Variants in TMEM236 observed in about 807,000 individuals in gnomAD.
The protein encoded by TMEM236 is family with sequence similarity 23, member A.
In TMEM236, 11 loss-of-function variants were observed where a neutral mutation model predicts 14.7. The observed-to-expected ratio is 0.75, with a 90% CI of 0.47 to 1.24. TMEM236 has a LOEUF of 1.24. TMEM236 is among the 50% of genes most tolerant of loss of function. The pLI, the probability that TMEM236 is intolerant of heterozygous loss-of-function variation, is 0.00. For missense variants in TMEM236, 464 were observed against 427.3 expected (o/e 1.09, Z -0.76); for synonymous variants, 182 against 168.6 (o/e 1.08, Z -0.62).
In TMEM236 at chr10:17,761,707, A is replaced by C. The variant is rs535340394; in HGVS notation, c.257+9155A>C. Among the ~76,000 whole-genome samples, 5 of 151,750 alleles carry C rather than the reference A, an allele frequency of 3.3e-5. No individual in the cohort carries two copies. In the South Asian group the frequency reaches 1.0e-3, roughly 32 times the overall value. On this transcript the variant is annotated intron_variant, in intron 1 of 3. Transcript: ENST00000377495. ...AGACTATGTCTCAAAAAAAAAAAAA[A>C]AAAAGAAAAGGAAGTTTTCTGTATC...
chr10:17,783,389 A>G (rs928378556), intron 3 of TMEM236, among the ~76,000 whole-genome samples: 11 of 152,264 alleles, frequency 7.2e-5, no homozygotes, highest in South Asian at 6.2e-4. Flanking sequence ...TCAACAGGCT[A>G]TTTGAGTGGA....
intron 1 of TMEM236, among the ~76,000 whole-genome samples, chr10:17,768,091 T>TTA (rs1225311452): frequency 1.1e-4 from 14 of 126,596 alleles, no homozygotes; most frequent in African/African-American, 4.1e-4. Context: ...TTGTGGTTTT[T>TTA]TTTTTTTTTT....
intron 1 of TMEM236, among the ~76,000 whole-genome samples, chr10:17,768,679 A>T (rs1278947488): frequency 6.6e-6 from 1 of 152,036 alleles, no homozygotes; most frequent in Non-Finnish European, 1.5e-5. Context: ...AACAATAAAC[A>T]AAGAATCAGC....
rs1838003740 is a variant in TMEM236, at chr10:17,795,893, A to G, written c.473-28A>G. On this transcript the variant is annotated intron_variant, in intron 3 of 3. Transcript: ENST00000377495. ...CTAAAATGGATACATTTTAAAAACT[A>G]AAATGTAAATAAATCTGTTAATTGC... 13 of 1,608,646 alleles carry G rather than the reference A, an allele frequency of 8.1e-6. No homozygotes were observed. In the South Asian group the frequency reaches 8.8e-5, roughly 11 times the overall value.
At chr10:17,762,035 T>C (rs1837373360) in intron 1 of TMEM236, among the ~76,000 whole-genome samples, 1 of 152,192 alleles carries the variant, frequency 6.6e-6, no homozygotes, top group Non-Finnish European at 1.5e-5. Flanking sequence ...GTCACATTAC[T>C]GCCTAATTCC....
intron 1 of TMEM236, among the ~76,000 whole-genome samples, chr10:17,768,108 T>TTTTTTTTTTTTTTTTTG (rs1837503857): frequency 6.9e-6 from 1 of 145,690 alleles, no homozygotes; most frequent in African/African-American, 2.6e-5. Context: ...TTTTTTTTTT[T>TTTTTTTTTTTTTTTTTG]GTAGAGACGA....
chr10:17,796,337 C>G lies in TMEM236; in HGVS notation c.889C>G (p.Gln297Glu). 1 of 1,613,966 alleles carries G rather than the reference C, an allele frequency of 6.2e-7. No homozygotes were observed. Among genetic ancestry groups the G allele is most frequent in the South Asian group, 1.1e-5 (1 of 91,082 alleles). Residue 297 changes from glutamine to glutamate, a missense_variant, in exon 4 of 4, where the codon CAA (glutamine) becomes GAA (glutamate). Physicochemically the swap from Gln to Glu is conservative, Grantham distance 29. Transcript: ENST00000377495. ...TCTCAATTCCCTGAGCGTCCTGCTGCAAGATTTACCATTCGTTTTTGTTAG... is the reference window on the plus strand; with the variant it reads ...TCTCAATTCCCTGAGCGTCCTGCTGGAAGATTTACCATTCGTTTTTGTTAG... ...PLLNSLSVLL[Q>E]DLPFVFVRLG...
rs1023911368 is a variant in TMEM236 at position 17,796,192 on chromosome 10, G to A, written c.744G>A (p.Thr248=). 445 of 1,613,936 alleles carry A rather than the reference G, an allele frequency of 2.8e-4. 1 individual carries two copies. The African/African-American group carries it at 5.0e-3, about 18-fold the overall frequency. ...GGAGCTTTCTCCTGTGGTCTGACAC[G>A]ATAGAAATGGTGCGTGTGGCTGGTC... The part of the protein sequence containing the change: ...FLWSFLLWSD[T]IEMVRVAGHP... The change falls in exon 4 of 4, where the codon ACG becomes ACA. Residue 248 remains threonine (T), a synonymous_variant. Transcript: ENST00000377495.
At chr10:17,792,454 A>G (rs1433961527) in intron 3 of TMEM236, among the ~76,000 whole-genome samples, 2 of 152,216 alleles carry the variant, frequency 1.3e-5, no homozygotes, top group African/African-American at 2.4e-5. Flanking sequence ...ACTCTAGAAA[A>G]TGCCTCACTA....
chr10:17,757,776 TTG>T (rs1212499588), intron 1 of TMEM236, among the ~76,000 whole-genome samples: 2 of 152,030 alleles, frequency 1.3e-5, no homozygotes, highest in Non-Finnish European at 2.9e-5. Context: ...TTGTTTTGTT[TTG>T]TGTTTTTTGA....
At chr10:17,774,124 A>C (rs1837620381) in intron 2 of TMEM236, among the ~76,000 whole-genome samples, 1 of 152,072 alleles carries the variant, frequency 6.6e-6, no homozygotes, top group South Asian at 2.1e-4. Context: ...TATTCACTGC[A>C]ACCTCCACCT....
intron 1 of TMEM236, among the ~76,000 whole-genome samples, chr10:17,764,805 T>C (rs1231545533): frequency 9.3e-5 from 14 of 150,974 alleles, no homozygotes; most frequent in Non-Finnish European, 2.1e-4. Flanking sequence ...CGCTTAGTCT[T>C]CCCCACCTGC....
intron 3 of TMEM236, among the ~76,000 whole-genome samples, chr10:17,778,362 A>C (rs1837692343): frequency 6.6e-6 from 1 of 152,230 alleles, no homozygotes; most frequent in Non-Finnish European, 1.5e-5. Flanking sequence ...ATTGTCTCCT[A>C]CACTCATTTT....
chr10:17,798,316 A>C lies in TMEM236; in HGVS notation c.*1812A>C. The C allele has an allele frequency of 3.1e-6, 1 of 317,830 alleles. No homozygotes were observed. Among genetic ancestry groups the C allele is most frequent in the Non-Finnish European group, 6.1e-6 (1 of 163,810 alleles). The allele number at this position is 317,830 out of a possible 1,614,324, so 19.7% of individuals were successfully genotyped here. A position where few individuals can be genotyped will look rare whatever the true frequency, so the allele number is the denominator to read the frequency against. ...CACTTTGGGAGGTTGAGGCAGGTAG[A>C]TCACTGGAGTCCAGGAGTCTGAGAC... On this transcript the variant is annotated 3_prime_UTR_variant, in exon 4 of 4. Coordinates refer to ENST00000377495, the MANE Select transcript of TMEM236 (RefSeq NM_001098844.3).
At position 17,752,349 on chromosome 10, in the gene TMEM236, C is replaced by T. The variant is rs1564590514; in HGVS notation, c.54C>T (p.Ala18=). 6.2e-6 allele frequency: 10 copies of T among 1,613,776 alleles called. No individual in the cohort carries two copies. Among genetic ancestry groups the T allele is most frequent in the East Asian group, 4.5e-5 (2 of 44,836 alleles). ...TGGTTTTTGAGCTCCTAGAGTTTGC[C>T]GCTTTCTCCATCCCCACACTCGTGA... ...KFVVFELLEF[A]AFSIPTLVIT... is the part of the protein sequence containing the mutation. Residue 18 remains alanine, a synonymous_variant, in exon 1 of 4, where the codon GCC becomes GCT. Transcript: ENST00000377495.
Position 17,796,501 on chromosome 10 carries a change from T to G in TMEM236, c.1053T>G (p.Phe351Leu). ...TTTCTGCCTTTGAAATGTCTCCATT[T>G]TAAAAAGGAAATGGGATCTAGTAAG... ...RIFSAFEMSPF is the reference protein window; with the variant it reads ...RIFSAFEMSPL The change falls in exon 4 of 4, where the codon TTT (phenylalanine) becomes TTG (leucine). Residue 351 changes from phenylalanine to leucine, a missense_variant. By Grantham distance (22) the Phe-to-Leu change is conservative. Coordinates refer to ENST00000377495, the MANE Select transcript of TMEM236 (RefSeq NM_001098844.3). The G allele has an allele frequency of 1.2e-6, 2 of 1,609,004 alleles. No individual in the cohort carries two copies. The highest frequency in any genetic ancestry group is 1.7e-6 in the Non-Finnish European group (2 of 1,175,466).
intron 1 of TMEM236, among the ~76,000 whole-genome samples, chr10:17,763,310 C>T (rs986735615): frequency 1.5e-3 from 233 of 152,088 alleles, no homozygotes; most frequent in African/African-American, 5.4e-3. Flanking sequence ...AAAAAAGTTA[C>T]CTGGGCATGG....
intron 2 of TMEM236, 53 bp downstream of exon 2, chr10:17,771,434 T>C (rs1837570610): frequency 1.3e-6 from 2 of 1,557,874 alleles, no homozygotes; most frequent in African/African-American, 2.7e-5. Context: ...TTATAATTTC[T>C]TGTTATTGGA....
Position 17,752,230 on chromosome 10 carries a change from G to T in TMEM236, c.-66G>T, listed in dbSNP as rs893452998. The T allele has an allele frequency of 3.2e-4, 521 of 1,613,464 alleles. 6 individuals carry two copies. In the East Asian group the frequency reaches 0.01, roughly 32 times the overall value. On this transcript the variant is annotated 5_prime_UTR_variant, in exon 1 of 4. Coordinates refer to ENST00000377495, the MANE Select transcript of TMEM236 (RefSeq NM_001098844.3). ...AACTTGATCCCAGTTCAGTGTCTGT[G>T]GGTCCATATGCTGCCCACAGTCAAA... is the stretch of plus-strand genomic sequence containing the variant.
Sources: allele counts gnomAD v4.1 joint callset (sites outside exome capture counted in the v4.1 genomes callset), GRCh38; gene constraint gnomAD v4.1.1; transcripts MANE v1.5; gene names NCBI Gene and HGNC (gene_info 2026-07-23, HGNC 2026-07-21).